Variants in UGT2A2 observed in about 807,000 individuals in gnomAD.
UGT2A2 encodes the protein UDP glucuronosyltransferase family 2 member A2, also known as UDP-glucuronosyltransferase 2A2.
Under a neutral mutation model 50.7 loss-of-function variants are expected in UGT2A2, and 60 were observed. The observed-to-expected ratio is 1.18, with a 90% CI of 0.96 to 1.47. The LOEUF is 1.47. Among genes scored for constraint, UGT2A2 ranks in the 40% most tolerant of loss-of-function variants. The pLI is 0.00. For missense variants in UGT2A2, 762 were observed against 634.0 expected, an observed-to-expected ratio of 1.20 and a Z score of -2.17; for synonymous variants, 242 against 214.6, an observed-to-expected ratio of 1.13 and a Z score of -1.11.
chr4:69,619,375 G>C, intron 1 of UGT2A2, among the ~76,000 whole-genome samples: 1 of 151,542 alleles, frequency 6.6e-6, no homozygotes, highest in Non-Finnish European at 1.5e-5. Flanking sequence ...ACTTCAGCCT[G>C]GGTGACAGAG....
chr4:69,626,391 C>T (rs539691759), intron 1 of UGT2A2, among the ~76,000 whole-genome samples: 17 of 151,382 alleles, frequency 1.1e-4, no homozygotes, highest in African/African-American at 2.2e-4. Context: ...TTTTTATATA[C>T]GTATGTATAC....
chr4:69,595,288 C>T, intron 3 of UGT2A2, 39 bp from the exon 4 acceptor site: 1 of 1,602,434 alleles, frequency 6.2e-7, no homozygotes, highest in South Asian at 1.1e-5. Flanking sequence ...AGGAAAAACA[C>T]AATGAGGACA....
Position 69,607,309 on chromosome 4 carries a change from G to T in UGT2A2, c.743-7915C>A, listed in dbSNP as rs550505214. ...TCTTTGACAAACCTGACAAAAACAA[G>T]AAATGGGGAAATGATTCCCTATTTA... On this transcript the variant is annotated intron_variant, in intron 1 of 5. Coordinates refer to ENST00000604629, the MANE Select transcript of UGT2A2 (RefSeq NM_001105677.2). 4.6e-5 allele frequency among the ~76,000 whole-genome samples: 7 copies of T among 151,440 alleles called. No homozygotes were observed. The East Asian group carries it at 1.4e-3, about 29-fold the overall frequency.
intron 1 of UGT2A2, among the ~76,000 whole-genome samples, chr4:69,618,350 CATA>C (rs4148313): frequency 0.27 from 41,195 of 151,190 alleles, 5,840 homozygotes; most frequent in South Asian, 0.32. Flanking sequence ...CCCAGGAACT[CATA>C]CTAATCAATC....
chr4:69,630,910 G>A (rs1721344171), intron 1 of UGT2A2, among the ~76,000 whole-genome samples: 1 of 151,398 alleles, frequency 6.6e-6, no homozygotes, highest in Admixed American at 6.6e-5. Context: ...GAATTACACT[G>A]TGGTGTGTGC....
chr4:69,600,809 T>TAA (rs34446108), intron 1 of UGT2A2, among the ~76,000 whole-genome samples: 19,643 of 145,766 alleles, frequency 0.13, 1,536 homozygotes, highest in Non-Finnish European at 0.18. Context: ...GCTATACACT[T>TAA]AAAAAAAAAA....
chr4:69,637,833 A>C (rs1286263004), intron 1 of UGT2A2, among the ~76,000 whole-genome samples: 1 of 152,082 alleles, frequency 6.6e-6, no homozygotes, highest in African/African-American at 2.4e-5. Context: ...GGCATTCAAC[A>C]AATACTTTTT....
intron 1 of UGT2A2, among the ~76,000 whole-genome samples, chr4:69,604,306 C>T (rs1471621990): frequency 7.7e-6 from 1 of 129,124 alleles, no homozygotes; most frequent in Non-Finnish European, 1.6e-5. Context: ...AATTTCATAT[C>T]TAGCCAAACT....
At position 69,601,724 on chromosome 4, in the gene UGT2A2, G is replaced by C. The variant is rs923287599; in HGVS notation, c.743-2330C>G. The stretch of plus-strand genomic sequence containing the variant: ...TCTATGTAACTCCCCTGCCACCCCT[G>C]TCAGAGCTGGTGCTGGTATCCACTG... On this transcript the variant is annotated intron_variant, in intron 1 of 5. Transcript: ENST00000604629. Among the ~76,000 whole-genome samples the C allele has an allele frequency of 2.6e-5, 4 of 151,264 alleles. No homozygotes were observed. The East Asian group carries it at 7.8e-4, about 29-fold the overall frequency.
chr4:69,616,464 C>T (rs1221266888), intron 1 of UGT2A2, among the ~76,000 whole-genome samples: 6 of 151,842 alleles, frequency 4.0e-5, no homozygotes, highest in Non-Finnish European at 7.4e-5. Context: ...ACATTTTAAG[C>T]TTTCATCAAA....
chr4:69,613,859 C>G (rs555539185), intron 1 of UGT2A2, among the ~76,000 whole-genome samples: 2 of 152,108 alleles, frequency 1.3e-5, no homozygotes, highest in East Asian at 3.9e-4. Context: ...CGCAAACCTA[C>G]AGGTAGCATC....
At chr4:69,594,175 C>T (rs1298702349) in intron 5 of UGT2A2, among the ~76,000 whole-genome samples, 1 of 151,768 alleles carries the variant, frequency 6.6e-6, no homozygotes, top group African/African-American at 2.4e-5. Flanking sequence ...AGGGTTTCAC[C>T]GTGTTAGCCA....
intron 1 of UGT2A2, among the ~76,000 whole-genome samples, chr4:69,618,885 T>C (rs940024531): frequency 6.6e-6 from 1 of 151,934 alleles, no homozygotes. Context: ...TCGGAAAATT[T>C]TCTACTCAAC....
intron 2 of UGT2A2, among the ~76,000 whole-genome samples, chr4:69,598,781 C>A (rs556439179): frequency 1.3e-5 from 2 of 152,016 alleles, no homozygotes; most frequent in African/African-American, 4.8e-5. Flanking sequence ...AGATTAAAAC[C>A]TAAGAGCCCT....
In UGT2A2 at chr4:69,594,564, G is replaced by C; in HGVS notation, c.1244C>G (p.Ala415Gly). ...DQPDNIAHMKAKGAAVEVNLN... is the reference protein window; with the variant it reads ...DQPDNIAHMKGKGAAVEVNLN... ...GTTCACTTCCACAGCTGCTCCTTTGGCCTTCATGTGAGCAATGTTATCAGG... is the reference window on the plus strand; with the variant it reads ...GTTCACTTCCACAGCTGCTCCTTTGCCCTTCATGTGAGCAATGTTATCAGG... The change falls in exon 5 of 6, where the codon GCC becomes GGC. Residue 415 changes from alanine (A) to glycine (G), a missense_variant. Transcript: ENST00000604629. 1 of 1,614,044 alleles carries C rather than the reference G, an allele frequency of 6.2e-7. No individual in the cohort carries two copies. Among genetic ancestry groups the C allele is most frequent in the Non-Finnish European group, 8.5e-7 (1 of 1,180,028 alleles).
chr4:69,609,872 A>T (rs1356637889), intron 1 of UGT2A2, among the ~76,000 whole-genome samples: 1 of 152,176 alleles, frequency 6.6e-6, no homozygotes, highest in Non-Finnish European at 1.5e-5. Context: ...ACTGTCATAG[A>T]ACTTGGGGAA....
At chr4:69,597,314 G>T (rs1384306822) in intron 2 of UGT2A2, among the ~76,000 whole-genome samples, 1 of 152,118 alleles carries the variant, frequency 6.6e-6, no homozygotes, top group Non-Finnish European at 1.5e-5. Flanking sequence ...TGTATAAGCT[G>T]CCATGAGTGT....
At chr4:69,612,285 C>T (rs1271684145) in intron 1 of UGT2A2, among the ~76,000 whole-genome samples, 1 of 151,986 alleles carries the variant, frequency 6.6e-6, no homozygotes, top group Non-Finnish European at 1.5e-5. Context: ...GAAGATAGCT[C>T]ATGAGTTGGA....
intron 1 of UGT2A2, among the ~76,000 whole-genome samples, chr4:69,628,598 G>C (rs989566259): frequency 6.6e-6 from 1 of 150,840 alleles, no homozygotes; most frequent in African/African-American, 2.4e-5. Flanking sequence ...CTTCAAATTT[G>C]ATGAAAAAAA....
Sources: gnomAD v4.1 joint callset for allele counts (sites outside exome capture counted in the v4.1 genomes callset) on GRCh38, gnomAD v4.1.1 for gene constraint, MANE v1.5 for transcripts, NCBI Gene and HGNC (gene_info 2026-07-23, HGNC 2026-07-21) for gene names.